Variants in PCTP observed in about 807,000 individuals in gnomAD.
PCTP encodes START domain-containing protein 2.
In PCTP, 27 loss-of-function variants were observed where a neutral mutation model predicts 31.0. The ratio of observed to expected loss-of-function variants is 0.87; its 90% CI spans 0.64 to 1.20. PCTP has a LOEUF of 1.20. PCTP is among the 50% of genes most tolerant of loss of function. The pLI is 0.00. For missense variants in PCTP, 287 were observed against 268.2 expected (o/e 1.07, Z -0.49); for synonymous variants, 108 against 101.2 (o/e 1.07, Z -0.40).
In PCTP at chr17:55,777,056, T is replaced by TTAA; in HGVS notation, c.*958_*960dup. The stretch of plus-strand genomic sequence containing the variant: ...AGCCAGGTAAAATTTAACTGGTGGC[T>TTAA]TAATGACTCTGCACCTTTTTCTCAG... On this transcript the variant is annotated 3_prime_UTR_variant, in exon 6 of 6. Coordinates refer to ENST00000268896, the MANE Select transcript of PCTP (RefSeq NM_021213.4). 1 of 985,832 alleles carries TTAA rather than the reference T, an allele frequency of 1.0e-6. No individual in the cohort carries two copies. Among genetic ancestry groups the TTAA allele is most frequent in the Non-Finnish European group, 1.2e-6 (1 of 829,920 alleles). 61.1% of individuals were successfully genotyped at this position (985,832 alleles called of 1,614,324 possible).
At chr17:55,778,162 G>A (rs1217239819), downstream of PCTP, among the ~76,000 whole-genome samples, 1 of 149,960 alleles carries the variant, frequency 6.7e-6, no homozygotes, top group Non-Finnish European at 1.5e-5. Flanking sequence ...CACGAGCTGA[G>A]GTTATGTAGG....
At chr17:55,822,928 G>A in exon 4 of PCTP, 3 of 716,286 alleles carry the variant, frequency 4.2e-6, no homozygotes, top group Non-Finnish European at 5.8e-6. Context: ...ATGGGTGCAG[G>A]TATCATTTCT....
chr17:55,780,485 G>A (rs181427690), downstream of PCTP, among the ~76,000 whole-genome samples: 40 of 152,242 alleles, frequency 2.6e-4, no homozygotes, highest in Admixed American at 7.2e-4. Flanking sequence ...CCTTCCATCC[G>A]ATGGTGGTTG....
At chr17:55,805,848 A>C (rs1912561045) in intron 3 of PCTP, among the ~76,000 whole-genome samples, 1 of 148,024 alleles carries the variant, frequency 6.8e-6, no homozygotes, top group African/African-American at 2.5e-5. Context: ...GAAGTAGGGT[A>C]TGAGAACTCC....
intron 3 of PCTP, among the ~76,000 whole-genome samples, chr17:55,803,013 T>G (rs1424221983): frequency 2.6e-5 from 4 of 152,198 alleles, no homozygotes; most frequent in Non-Finnish European, 5.9e-5. Context: ...CAGCAAAGTC[T>G]CAGGATACAA....
At chr17:55,809,139 A>G (rs1912669099) in intron 3 of PCTP, among the ~76,000 whole-genome samples, 1 of 152,242 alleles carries the variant, frequency 6.6e-6, no homozygotes, top group Non-Finnish European at 1.5e-5. Context: ...TCCAAATGAT[A>G]TAATAAAATT....
chr17:55,804,952 A>C (rs138577031), intron 3 of PCTP, among the ~76,000 whole-genome samples: 3,255 of 152,282 alleles, frequency 0.021, 48 homozygotes, highest in Non-Finnish European at 0.033. Context: ...TTAAAAAAAC[A>C]TTTTATAGCA....
intron 3 of PCTP, among the ~76,000 whole-genome samples, chr17:55,822,004 A>C (rs978816380): frequency 6.6e-6 from 1 of 152,138 alleles, no homozygotes; most frequent in African/African-American, 2.4e-5. Context: ...TCTCCCTCAG[A>C]TATGTCACAG....
chr17:55,839,998 C>CCTTAATTTAGTTTAAAGTGAT (rs1330257081), intron 5 of PCTP, among the ~76,000 whole-genome samples: 1 of 148,424 alleles, frequency 6.7e-6, no homozygotes, highest in Non-Finnish European at 1.5e-5. Context: ...ATATTCCTGT[C>CCTTAATTTAGTTTAAAGTGAT]CTTAATTTAG....
chr17:55,823,852 A>G (rs1905309646), downstream of PCTP, among the ~76,000 whole-genome samples: 1 of 152,192 alleles, frequency 6.6e-6, no homozygotes, highest in African/African-American at 2.4e-5. Context: ...CTGATGCTCC[A>G]CAGCTTCAGG....
chr17:55,778,879 C>A (rs1911459978), downstream of PCTP, among the ~76,000 whole-genome samples: 1 of 152,154 alleles, frequency 6.6e-6, no homozygotes, highest in Admixed American at 6.5e-5. Flanking sequence ...AAGTTAATGA[C>A]CACCTTGGAA....
the PCTP span, among the ~76,000 whole-genome samples, chr17:55,848,158 C>T: frequency 6.6e-6 from 1 of 152,178 alleles, no homozygotes; most frequent in Non-Finnish European, 1.5e-5. Flanking sequence ...CTCTTGACCT[C>T]CTCAGCCTCC....
chr17:55,779,541 C>G (rs968737115), downstream of PCTP, among the ~76,000 whole-genome samples: 9 of 152,128 alleles, frequency 5.9e-5, no homozygotes, highest in African/African-American at 2.2e-4. Context: ...TTGTATGTGG[C>G]TGGAGAAGTA....
At chr17:55,773,434 C>G (rs76452481) in intron 3 of PCTP, among the ~76,000 whole-genome samples, 1 of 152,094 alleles carries the variant, frequency 6.6e-6, no homozygotes, top group Non-Finnish European at 1.5e-5. Flanking sequence ...TCTGTCATCT[C>G]CCAGTGCCTT....
chr17:55,833,415 T>A (rs1905671289), intron 5 of PCTP, among the ~76,000 whole-genome samples: 1 of 152,192 alleles, frequency 6.6e-6, no homozygotes, highest in Admixed American at 6.5e-5. Context: ...TAAAGGCTTT[T>A]CAAAAATGAA....
chr17:55,827,901 A>T (rs1046660273), downstream of PCTP, among the ~76,000 whole-genome samples: 7 of 152,180 alleles, frequency 4.6e-5, no homozygotes, highest in African/African-American at 1.7e-4. Context: ...GCTTATTAGG[A>T]TGCAGGTCCT....
At chr17:55,811,689 C>T (rs1912757517) in intron 3 of PCTP, among the ~76,000 whole-genome samples, 1 of 152,212 alleles carries the variant, frequency 6.6e-6, no homozygotes, top group Non-Finnish European at 1.5e-5. Context: ...ACTGTGGTTC[C>T]AAAACACACT....
chr17:55,771,142 T>G lies in PCTP; in HGVS notation c.296T>G (p.Val99Gly). Reference protein sequence around the residue: ...YEQECNGETVVYWEVKYPFPM... With the variant: ...YEQECNGETVGYWEVKYPFPM... ...CAAGAATGCAACGGAGAGACTGTGG[T>G]CTACTGGGAAGTGAAGTACCCTTTT... Residue 99 changes from valine to glycine, a missense_variant, in exon 3 of 6, where the codon GTC becomes GGC. Val to Gly is a moderately radical substitution (Grantham distance 109). Transcript: ENST00000268896. The G allele has an allele frequency of 1.2e-6, 2 of 1,613,618 alleles. No individual in the cohort carries two copies. The highest frequency in any genetic ancestry group is 1.7e-6 in the Non-Finnish European group (2 of 1,179,520).
At chr17:55,804,434 A>C (rs1912509290) in intron 3 of PCTP, among the ~76,000 whole-genome samples, 1 of 152,218 alleles carries the variant, frequency 6.6e-6, no homozygotes, top group African/African-American at 2.4e-5. Context: ...TTGCAGCACT[A>C]TCCACAATAG....
Sources: gnomAD v4.1 joint callset for allele counts (sites outside exome capture counted in the v4.1 genomes callset) on GRCh38, gnomAD v4.1.1 for gene constraint, MANE v1.5 for transcripts, NCBI Gene and HGNC (gene_info 2026-07-23, HGNC 2026-07-21) for gene names.